ISL1: variants seen among roughly 807,000 people sequenced by gnomAD.
ISL1 encodes ISL LIM homeobox 1, also known as insulin gene enhancer protein ISL-1.
Under a neutral mutation model 35.3 loss-of-function variants are expected in ISL1, and 4 were observed. That is an observed-to-expected ratio of 0.11 (90% CI 0.06 to 0.26). ISL1 has a LOEUF of 0.26. Ranked by LOEUF, ISL1 falls within the 10% of genes least tolerant of loss-of-function variation. The pLI is 1.00. For missense variants in ISL1, 340 were observed against 472.8 expected (o/e 0.72, Z 2.60); for synonymous variants, 186 against 172.3 (o/e 1.08, Z -0.62).
intron 4 of ISL1, 107 bp from the exon 5 acceptor site, chr5:51,391,167 A>G (rs1402993956): frequency 4.8e-6 from 5 of 1,038,302 alleles, no homozygotes; most frequent in East Asian, 2.5e-5. Context: ...AAAGACCACT[A>G]TATAGATAAG....
chr5:51,388,094 C>T (rs1349447427), intron 3 of ISL1, among the ~76,000 whole-genome samples: 1 of 152,258 alleles, frequency 6.6e-6, no homozygotes, highest in East Asian at 1.9e-4. Context: ...CTTCAGCTCC[C>T]AGCCAGGTAT....
At chr5:51,392,212 T>A (rs1322508821) in intron 5 of ISL1, among the ~76,000 whole-genome samples, 14 of 152,150 alleles carry the variant, frequency 9.2e-5, no homozygotes, top group African/African-American at 3.4e-4. Flanking sequence ...GAGGAGAAAA[T>A]TAATTCACTT....
chr5:51,384,747 T>C lies in ISL1; in HGVS notation c.218+17T>C. 1 of 1,602,720 alleles carries C rather than the reference T, an allele frequency of 6.2e-7. No individual in the cohort carries two copies. The highest frequency in any genetic ancestry group is 8.6e-7 in the Non-Finnish European group (1 of 1,169,558). The stretch of plus-strand genomic sequence containing the variant: ...TTATATCAGGTATGGCATTTACACT[T>C]CTTTCTTAATTTTGTGGGATTTCCC... On this transcript the variant is annotated intron_variant, in intron 2 of 5. Transcript: ENST00000230658.
At chr5:51,384,809 C>A in intron 2 of ISL1, 79 bp downstream of exon 2, 1 of 1,394,064 alleles carries the variant, frequency 7.2e-7, no homozygotes, top group Non-Finnish European at 1.0e-6. Context: ...TTTGGTGTGG[C>A]TTTGTCTTTT....
At position 51,387,956 on chromosome 5, in the gene ISL1, C is replaced by T. The variant is rs1191631031; in HGVS notation, c.478+207C>T. Among the ~76,000 whole-genome samples the T allele has an allele frequency of 1.3e-5, 2 of 152,264 alleles. No individual in the cohort carries two copies. The highest frequency in any genetic ancestry group is 4.8e-5 in the African/African-American group (2 of 41,478). On this transcript the variant is annotated intron_variant, in intron 3 of 5. Coordinates refer to ENST00000230658, the MANE Select transcript of ISL1 (RefSeq NM_002202.3). This position sits in a 1 kb window ranked among gnomAD's most constrained non-coding sequence, Gnocchi z 4.3. ...GTCTCCCTTGATTCCCCGAGCACAC[C>T]TACACCGTCTGTGTGTCTCTATATG...
intron 2 of ISL1, among the ~76,000 whole-genome samples, chr5:51,385,487 G>C (rs773237670): frequency 6.6e-6 from 1 of 152,130 alleles, no homozygotes; most frequent in Non-Finnish European, 1.5e-5. Flanking sequence ...ATTAAAATCT[G>C]GTAACTGATA....
In ISL1 at chr5:51,387,761, C is replaced by A. The variant is rs757548354; in HGVS notation, c.478+12C>A. ...ACTGCAAATGGCAGGTACTCCTCTG[C>A]CCGGCTCGGGTAGGCAGGCGCCAGG... On this transcript the variant is annotated intron_variant, in intron 3 of 5. Coordinates refer to ENST00000230658, the MANE Select transcript of ISL1 (RefSeq NM_002202.3). The surrounding 1 kb of genome is among the most constrained non-coding windows in gnomAD (Gnocchi z 4.3). 1.2e-5 allele frequency: 20 copies of A among 1,613,610 alleles called. No individual in the cohort carries two copies. The highest frequency in any genetic ancestry group is 1.6e-5 in the Non-Finnish European group (19 of 1,179,974).
Position 51,393,649 on chromosome 5 carries a change from A to G in ISL1, c.*39A>G, listed in dbSNP as rs755159646. ...TGTATTTTTTTTCCCTGTTGGAGAA[A>G]GTGGGAAATTATAATGTCGAACTCT... On this transcript the variant is annotated 3_prime_UTR_variant, in exon 6 of 6. Transcript: ENST00000230658. 1 of 1,297,704 alleles carries G rather than the reference A, an allele frequency of 7.7e-7. No homozygotes were observed. The allele number at this position is 1,297,704 out of a possible 1,614,324, so 80.4% of individuals were successfully genotyped here. A position where few individuals can be genotyped will look rare whatever the true frequency, so the allele number is the denominator to read the frequency against.
chr5:51,383,614 GC>G lies in ISL1; in HGVS notation c.-57del. 1 of 1,391,216 alleles carries G rather than the reference GC, an allele frequency of 7.2e-7. No homozygotes were observed. The highest frequency in any genetic ancestry group is 2.3e-5 in the East Asian group (1 of 43,824). The allele number at this position is 1,391,216 out of a possible 1,614,324, so 86.2% of individuals were successfully genotyped here. On this transcript the variant is annotated 5_prime_UTR_variant, in exon 1 of 6. Coordinates refer to ENST00000230658, the MANE Select transcript of ISL1 (RefSeq NM_002202.3). ...CACAGCTCCAGCATCCTCTCTGTGG[GC>G]TGTTCACCAACTGTACAACCACCAT... is the stretch of plus-strand genomic sequence containing the variant.
chr5:51,390,907 T>C (rs1220041716), intron 4 of ISL1, among the ~76,000 whole-genome samples: 1 of 151,528 alleles, frequency 6.6e-6, no homozygotes, highest in African/African-American at 2.4e-5. Flanking sequence ...AACCACCCTG[T>C]CTAGAGGCTG....
At chr5:51,390,313 C>T (rs73095550) in intron 4 of ISL1, among the ~76,000 whole-genome samples, 3,356 of 152,302 alleles carry the variant, frequency 0.022, 135 homozygotes, top group African/African-American at 0.077. Context: ...CAGTTCCTCA[C>T]GTACACAAGA....
rs1747429870 is a variant in ISL1, at chr5:51,389,482, G to A, written c.479-164G>A. ...CCACCTCTGCCGCCCCCTGCTTTGT[G>A]TGCTGAGGCTGCAAACCCTAGCCAT... On this transcript the variant is annotated intron_variant, in intron 3 of 5. Transcript: ENST00000230658. The surrounding 1 kb of genome is among the most constrained non-coding windows in gnomAD (Gnocchi z 5.0). 1.3e-5 allele frequency among the ~76,000 whole-genome samples: 2 copies of A among 150,838 alleles called. No homozygotes were observed. The highest frequency in any genetic ancestry group is 2.4e-5 in the African/African-American group (1 of 40,982).
At position 51,391,426 on chromosome 5, in the gene ISL1, T is replaced by A; in HGVS notation, c.918T>A (p.Pro306=). ...CCTTGCAGAGTGACATAGATCAGCC[T>A]GCTTTTCAGCAACTGGTAAGTGTCA... ...DFALQSDIDQ[P]AFQQLVNFSE... is the part of the protein sequence containing the mutation. The change falls in exon 5 of 6, where the codon CCT becomes CCA. Residue 306 remains proline, a synonymous_variant. Coordinates refer to ENST00000230658, the MANE Select transcript of ISL1 (RefSeq NM_002202.3). 1.9e-6 allele frequency: 3 copies of A among 1,614,196 alleles called. No individual in the cohort carries two copies. Among genetic ancestry groups the A allele is most frequent in the Non-Finnish European group, 2.5e-6 (3 of 1,180,032 alleles).
Position 51,394,248 on chromosome 5 carries a change from G to T in ISL1, c.*638G>T, listed in dbSNP as rs1747584928. The T allele has an allele frequency of 6.5e-6, 1 of 152,730 alleles. No homozygotes were observed. Among genetic ancestry groups the T allele is most frequent in the Non-Finnish European group, 1.5e-5 (1 of 68,232 alleles). The allele number at this position is 152,730 out of a possible 1,614,324, so 9.5% of individuals were successfully genotyped here. A position where few individuals can be genotyped will look rare whatever the true frequency, so the allele number is the denominator to read the frequency against. Reference sequence around the variant, plus strand: ...TTTGAGATCCATCCTTTATCAAGAAGTCTGAAGCGACTATAAAGGTTTTTG... The same window carrying T: ...TTTGAGATCCATCCTTTATCAAGAATTCTGAAGCGACTATAAAGGTTTTTG... On this transcript the variant is annotated 3_prime_UTR_variant, in exon 6 of 6. Coordinates refer to ENST00000230658, the MANE Select transcript of ISL1 (RefSeq NM_002202.3).
In ISL1 at chr5:51,387,623, G is replaced by A. The variant is rs762338816; in HGVS notation, c.352G>A (p.Asp118Asn). 6.2e-7 allele frequency: 1 copy of A among 1,614,242 alleles called. No individual in the cohort carries two copies. Among genetic ancestry groups the A allele is most frequent in the South Asian group, 1.1e-5 (1 of 91,088 alleles). The change falls in exon 3 of 6, where the codon GAC becomes AAC. Residue 118 changes from aspartate (D) to asparagine (N), a missense_variant. By Grantham distance (23) the Asp-to-Asn change is conservative. Transcript: ENST00000230658. The surrounding 1 kb of genome is among the most constrained non-coding windows in gnomAD (Gnocchi z 4.3). The part of the protein sequence containing the change: ...VACSRQLIPG[D>N]EFALREDGLF... ...CTGCAGCCGCCAGCTCATCCCTGGG[G>A]ACGAATTTGCGCTTCGGGAGGACGG...
rs1580728058 is a variant in ISL1 at position 51,387,426 on chromosome 5, A to C, written c.219-64A>C. Reference sequence around the variant, plus strand: ...GCCAGGGAAGTGCCGGCCTGAAGTGACCCCCTCTTCCTGTACTTCTCTCCC... The same window carrying C: ...GCCAGGGAAGTGCCGGCCTGAAGTGCCCCCCTCTTCCTGTACTTCTCTCCC... On this transcript the variant is annotated intron_variant, in intron 2 of 5. Coordinates refer to ENST00000230658, the MANE Select transcript of ISL1 (RefSeq NM_002202.3). This position sits in a 1 kb window ranked among gnomAD's most constrained non-coding sequence, Gnocchi z 4.3. The C allele has an allele frequency of 6.4e-7, 1 of 1,571,276 alleles. No individual in the cohort carries two copies.
At chr5:51,386,671 T>A (rs916989301) in intron 2 of ISL1, 1 of 453,308 alleles carries the variant, frequency 2.2e-6, no homozygotes, top group Non-Finnish European at 4.4e-6. Context: ...AGCGGGTCTT[T>A]GCATTTTTTT....
rs1343717383 is a variant in ISL1 at position 51,383,639 on chromosome 5, A to G, written c.-33A>G. Reference sequence around the variant, plus strand: ...GCTGTTCACCAACTGTACAACCACCATTTCACTGTGGACATTACTCCCTCT... The same window carrying G: ...GCTGTTCACCAACTGTACAACCACCGTTTCACTGTGGACATTACTCCCTCT... On this transcript the variant is annotated 5_prime_UTR_variant, in exon 1 of 6. Coordinates refer to ENST00000230658, the MANE Select transcript of ISL1 (RefSeq NM_002202.3). 1.9e-6 allele frequency: 3 copies of G among 1,577,966 alleles called. No homozygotes were observed. The highest frequency in any genetic ancestry group is 1.7e-5 in the Admixed American group (1 of 59,980).
intron 2 of ISL1, among the ~76,000 whole-genome samples, chr5:51,386,865 C>G (rs1747353288): frequency 6.6e-6 from 1 of 152,126 alleles, no homozygotes; most frequent in African/African-American, 2.4e-5. Flanking sequence ...CTGGAAAGTA[C>G]TTGTGCAAAA....
Sources: allele counts gnomAD v4.1 joint callset (sites outside exome capture counted in the v4.1 genomes callset), GRCh38; gene constraint gnomAD v4.1.1; non-coding constraint Gnocchi (gnomAD v3.1); transcripts MANE v1.5; gene names NCBI Gene and HGNC (gene_info 2026-07-23, HGNC 2026-07-21).